The following RBM45 variants were observed in gnomAD, a reference collection of about 807,000 sequenced individuals.
RBM45 encodes the protein RNA binding motif protein 45, also known as RNA-binding protein 45.
Under a neutral mutation model 58.5 loss-of-function variants are expected in RBM45, and 39 were observed. The ratio of observed to expected loss-of-function variants is 0.67; its 90% CI spans 0.52 to 0.87. RBM45 has a LOEUF of 0.87. RBM45 is among the 40% of genes least tolerant of loss of function. The pLI is 0.00. For missense variants in RBM45, 481 were observed against 581.6 expected (o/e 0.83, Z 1.78); for synonymous variants, 193 against 203.0 (o/e 0.95, Z 0.42).
intron 8 of RBM45, chr2:178,125,740 A>G (rs541504122): frequency 4.6e-6 from 3 of 646,480 alleles, no homozygotes; most frequent in Admixed American, 4.2e-5. Context: ...TTGAAGAGGG[A>G]CAAGCTCAGG....
Position 178,126,109 on chromosome 2 carries a change from T to C in RBM45, c.1358T>C (p.Val453Ala). The change falls in exon 9 of 10, where the codon GTG becomes GCG. Residue 453 changes from valine to alanine, a missense_variant. Coordinates refer to ENST00000286070, the MANE Select transcript of RBM45 (RefSeq NM_152945.4). ...CTACATGGAAAGATTCTGAATGGGG[T>C]GAGACTTAAAGTTATGCTGGCAGAT... ...ATLHGKILNG[V>A]RLKVMLADSP... 5 of 1,613,960 alleles carry C rather than the reference T, an allele frequency of 3.1e-6. No homozygotes were observed. Among genetic ancestry groups the C allele is most frequent in the Non-Finnish European group, 4.2e-6 (5 of 1,179,886 alleles).
In RBM45 at chr2:178,124,075, A is replaced by G. The variant is rs567927198; in HGVS notation, c.1069-52A>G. ...CATATCTGTCTTTAGCTCTTGGCCA[A>G]AAATCCCTAAAGGGCATTTTTTTCT... On this transcript the variant is annotated intron_variant, in intron 7 of 9. Coordinates refer to ENST00000286070, the MANE Select transcript of RBM45 (RefSeq NM_152945.4). The G allele has an allele frequency of 8.4e-6, 13 of 1,553,832 alleles. No homozygotes were observed. In the African/African-American group the frequency reaches 1.7e-4, roughly 20 times the overall value.
rs758903400 is a variant in RBM45 at position 178,112,522 on chromosome 2, G to A, written c.-25G>A. On this transcript the variant is annotated 5_prime_UTR_variant, in exon 1 of 10. Coordinates refer to ENST00000286070, the MANE Select transcript of RBM45 (RefSeq NM_152945.4). ...ACACCGCAGAAGCAAAGAGCAGTGA[G>A]GCTCCTGCATTCGGGTGGAGCACCA... The A allele has an allele frequency of 1.3e-6, 2 of 1,598,486 alleles. No homozygotes were observed. Among genetic ancestry groups the A allele is most frequent in the South Asian group, 1.1e-5 (1 of 89,656 alleles).
Position 178,129,525 on chromosome 2 carries a change from G to C in RBM45, c.*137G>C, listed in dbSNP as rs2087982323. 1 of 151,744 alleles carries C rather than the reference G, an allele frequency of 6.6e-6. No homozygotes were observed. The allele number at this position is 151,744 out of a possible 1,614,324, so 9.4% of individuals were successfully genotyped here. ...GATAGTCTGTGTACAGCATTGTTTT[G>C]TCTGGGAAGCAGGGATTGCTGACAT... On this transcript the variant is annotated 3_prime_UTR_variant, in exon 10 of 10. Coordinates refer to ENST00000286070, the MANE Select transcript of RBM45 (RefSeq NM_152945.4).
chr2:178,121,024 A>G, intron 4 of RBM45, 156 bp from the exon 5 acceptor site: 2 of 428,880 alleles, frequency 4.7e-6, no homozygotes, highest in Non-Finnish European at 8.2e-6. Context: ...TCTTCTTGTC[A>G]TTAGTCCCAT....
chr2:178,119,211 C>T (rs1270072731), intron 3 of RBM45, among the ~76,000 whole-genome samples: 1 of 152,036 alleles, frequency 6.6e-6, no homozygotes, highest in Non-Finnish European at 1.5e-5. Flanking sequence ...ATAGTAGACT[C>T]AGTAAGAATT....
intron 3 of RBM45, among the ~76,000 whole-genome samples, chr2:178,135,467 G>A (rs2088037702): frequency 6.6e-6 from 1 of 152,156 alleles, no homozygotes. Flanking sequence ...GGAATCATAG[G>A]CAATAGGGAG....
At chr2:178,122,850 C>T (rs919894824) in intron 5 of RBM45, among the ~76,000 whole-genome samples, 2 of 151,952 alleles carry the variant, frequency 1.3e-5, no homozygotes, top group African/African-American at 4.8e-5. Flanking sequence ...AAGTGTTTCC[C>T]CAGTGGTTTG....
chr2:178,126,155 C>G lies in RBM45; in HGVS notation c.1404C>G (p.Asn468Lys). 6.2e-7 allele frequency: 1 copy of G among 1,613,738 alleles called. No homozygotes were observed. Among genetic ancestry groups the G allele is most frequent in the African/African-American group, 1.3e-5 (1 of 75,018 alleles). Residue 468 changes from asparagine to lysine, a missense_variant, in exon 9 of 10, where the codon AAC becomes AAG. Transcript: ENST00000286070. ...CAGATTCGCCAAGAGAAGAATCTAA[C>G]AAACGGCAAAGAACTTACTGATTCT... ...MLADSPREES[N>K]KRQRTY
intron 5 of RBM45, among the ~76,000 whole-genome samples, chr2:178,122,906 C>T (rs188365990): frequency 7.6e-4 from 116 of 152,218 alleles, no homozygotes; most frequent in African/African-American, 2.5e-3. Context: ...AACTCCTGGG[C>T]TCTCTAAGGA....
intron 2 of RBM45, among the ~76,000 whole-genome samples, chr2:178,116,881 C>T (rs2087784159): frequency 6.6e-6 from 1 of 151,952 alleles, no homozygotes; most frequent in South Asian, 2.1e-4. Flanking sequence ...TGACATGGTA[C>T]TCATTCACAG....
At chr2:178,127,110 G>A (rs1258692528) in intron 9 of RBM45, among the ~76,000 whole-genome samples, 2 of 152,040 alleles carry the variant, frequency 1.3e-5, no homozygotes, top group African/African-American at 4.8e-5. Context: ...CTAATTTTTT[G>A]TATTTTTAGT....
intron 1 of RBM45, among the ~76,000 whole-genome samples, chr2:178,115,138 A>C (rs1220701858): frequency 2.6e-5 from 4 of 152,226 alleles, no homozygotes; most frequent in African/African-American, 9.6e-5. Context: ...AGAAAACAGA[A>C]GAAAAAAATC....
At chr2:178,137,553 G>C (rs1413987205) in exon 4 of RBM45, 1 of 152,110 alleles carries the variant, frequency 6.6e-6, no homozygotes, top group Non-Finnish European at 1.5e-5. Flanking sequence ...TGATTTGAAG[G>C]AATCTCACAA....
intron 8 of RBM45, 162 bp from the exon 9 acceptor site, chr2:178,125,822 A>C (rs1574414165): frequency 1.5e-5 from 11 of 715,366 alleles, no homozygotes; most frequent in Middle Eastern, 2.3e-4. Flanking sequence ...AGAGATCTGA[A>C]TGAGAATGAA....
At chr2:178,116,543 A>G (rs1051958351) in intron 2 of RBM45, among the ~76,000 whole-genome samples, 159 bp downstream of exon 2, 10 of 152,208 alleles carry the variant, frequency 6.6e-5, no homozygotes, top group African/African-American at 2.4e-4. Context: ...TAAATATTAA[A>G]CCTAGCATAA....
At chr2:178,116,694 G>T (rs1339339073) in intron 2 of RBM45, among the ~76,000 whole-genome samples, 1 of 152,164 alleles carries the variant, frequency 6.6e-6, no homozygotes, top group East Asian at 1.9e-4. Context: ...CAACTAGTAG[G>T]TGGTAGAGCT....
chr2:178,133,527 A>T (rs918350967), downstream of RBM45, among the ~76,000 whole-genome samples: 1 of 152,236 alleles, frequency 6.6e-6, no homozygotes, highest in Non-Finnish European at 1.5e-5. Context: ...TATAATCGTA[A>T]GATGAATCTT....
At chr2:178,137,847 A>G (rs995490765) in exon 4 of RBM45, 5 of 152,230 alleles carry the variant, frequency 3.3e-5, no homozygotes, top group African/African-American at 1.2e-4. Context: ...GAGGCTGGTG[A>G]AACAGACAGT....
Sources: allele counts gnomAD v4.1 joint callset (sites outside exome capture counted in the v4.1 genomes callset), GRCh38; gene constraint gnomAD v4.1.1; transcripts MANE v1.5; gene names NCBI Gene and HGNC (gene_info 2026-07-23, HGNC 2026-07-21).